The following SH3RF3 variants were observed in gnomAD, a reference collection of about 807,000 sequenced individuals.
SH3RF3 encodes the protein E3 ubiquitin-protein ligase SH3RF3.
In SH3RF3, 29 loss-of-function variants were observed where a neutral mutation model predicts 66.3. The ratio of observed to expected loss-of-function variants is 0.44; its 90% CI spans 0.33 to 0.60. The LOEUF (loss-of-function observed/expected upper bound fraction) is 0.60. SH3RF3 is among the 20% of genes least tolerant of loss of function. The pLI is 0.04. For missense variants in SH3RF3, 1,194 were observed against 1,190.9 expected, an observed-to-expected ratio of 1.00 and a Z score of -0.04; for synonymous variants, 583 against 532.0, an observed-to-expected ratio of 1.10 and a Z score of -1.32.
At chr2:109,493,222 A>T (rs1273523744) in intron 9 of SH3RF3, among the ~76,000 whole-genome samples, 5 of 151,658 alleles carry the variant, frequency 3.3e-5, no homozygotes, top group Non-Finnish European at 7.4e-5. Flanking sequence ...CTCACACATT[A>T]CACATACAGC....
At chr2:109,410,727 G>A (rs1272492279) in intron 4 of SH3RF3, among the ~76,000 whole-genome samples, 3 of 152,238 alleles carry the variant, frequency 2.0e-5, no homozygotes, top group East Asian at 3.8e-4. Flanking sequence ...CCATTATGGA[G>A]CCTTTTAAAA....
chr2:109,454,814 C>T (rs562080693), intron 8 of SH3RF3, among the ~76,000 whole-genome samples: 1 of 152,068 alleles, frequency 6.6e-6, no homozygotes, highest in Admixed American at 6.5e-5. Flanking sequence ...GTCGACAACC[C>T]CAGCCCATAG....
intron 1 of SH3RF3, among the ~76,000 whole-genome samples, chr2:109,335,616 T>C (rs1380827041): frequency 6.6e-6 from 1 of 152,162 alleles, no homozygotes; most frequent in African/African-American, 2.4e-5. Context: ...TTTCTGACAT[T>C]CTCTAGATTT....
intron 4 of SH3RF3, 110 bp downstream of exon 4, chr2:109,399,053 C>A (rs1676234853): frequency 1.6e-6 from 2 of 1,256,122 alleles, no homozygotes; most frequent in South Asian, 2.9e-5. Context: ...CGCCCCAGAA[C>A]TGCCTTTTGG....
At chr2:109,463,360 C>T (rs543757432) in intron 8 of SH3RF3, among the ~76,000 whole-genome samples, 2 of 152,222 alleles carry the variant, frequency 1.3e-5, no homozygotes, top group African/African-American at 4.8e-5. Flanking sequence ...TTATGTGCCA[C>T]CATGTGGGCC....
intron 1 of SH3RF3, among the ~76,000 whole-genome samples, chr2:109,331,487 C>T (rs764696965): frequency 1.2e-4 from 18 of 152,088 alleles, no homozygotes; most frequent in African/African-American, 3.4e-4. Flanking sequence ...AGGGCTCCCG[C>T]GTCTACTCCT....
rs1028457645 is a variant in SH3RF3 at position 109,129,497 on chromosome 2, C to T, written c.-44C>T. 1.1e-5 allele frequency: 16 copies of T among 1,495,052 alleles called. No homozygotes were observed. In the African/African-American group the frequency reaches 1.7e-4, roughly 16 times the overall value. The allele number at this position is 1,495,052 out of a possible 1,614,324, so 92.6% of individuals were successfully genotyped here. On this transcript the variant is annotated 5_prime_UTR_variant, in exon 1 of 10. Transcript: ENST00000309415. Reference sequence around the variant, plus strand: ...CCGGTGGCGGGCTCCACGCCGGCCCCGGGACCTAGGCAGCCGCGCGAGACC... The same window carrying T: ...CCGGTGGCGGGCTCCACGCCGGCCCTGGGACCTAGGCAGCCGCGCGAGACC...
chr2:109,251,295 C>T, intron 1 of SH3RF3: 1 of 396,154 alleles, frequency 2.5e-6, no homozygotes. Flanking sequence ...GCGTGAGCCA[C>T]CATGCCCGGC....
intron 1 of SH3RF3, among the ~76,000 whole-genome samples, chr2:109,170,129 G>C (rs1574485220): frequency 6.6e-6 from 1 of 152,266 alleles, no homozygotes; most frequent in East Asian, 1.9e-4. Context: ...AGGTGTTTTA[G>C]AGGATTATAA....
chr2:109,448,229 T>C (rs1440553241), intron 7 of SH3RF3, among the ~76,000 whole-genome samples: 1 of 152,234 alleles, frequency 6.6e-6, no homozygotes, highest in Non-Finnish European at 1.5e-5. Context: ...TTTCACAGGC[T>C]TTATGTTTAT....
chr2:109,411,366 C>T (rs1573230308), intron 4 of SH3RF3, among the ~76,000 whole-genome samples: 1 of 152,208 alleles, frequency 6.6e-6, no homozygotes, highest in South Asian at 2.1e-4. Context: ...GCAGTGGCTG[C>T]TCATCTCTGC....
At chr2:109,429,315 GA>G (rs1559078977) in intron 5 of SH3RF3, among the ~76,000 whole-genome samples, 3 of 151,930 alleles carry the variant, frequency 2.0e-5, no homozygotes, top group Non-Finnish European at 2.9e-5. Flanking sequence ...GCACCCAGAG[GA>G]AAAAAAGTAG....
Position 109,129,931 on chromosome 2 carries a change from C to G in SH3RF3, c.391C>G (p.Pro131Ala). The change falls in exon 1 of 10, where the codon CCC (proline) becomes GCC (alanine). Residue 131 changes from proline to alanine, a missense_variant. Pro to Ala is a conservative substitution (Grantham distance 27). Transcript: ENST00000309415. ...TCAGCGGCCCCGCGCGGGCACCAGC[C>G]CCGGCGGCAGCCCGCCCGCGCGTCC... is the stretch of plus-strand genomic sequence containing the variant. ...IRQRPRAGTSPGGSPPARPIP... is the reference protein window; with the variant it reads ...IRQRPRAGTSAGGSPPARPIP... The G allele has an allele frequency of 4.0e-6, 6 of 1,483,872 alleles. No individual in the cohort carries two copies. Among genetic ancestry groups the G allele is most frequent in the Non-Finnish European group, 5.3e-6 (6 of 1,123,864 alleles). 91.9% of individuals were successfully genotyped at this position (1,483,872 alleles called of 1,614,324 possible). A position where few individuals can be genotyped will look rare whatever the true frequency, so the allele number is the denominator to read the frequency against.
intron 4 of SH3RF3, among the ~76,000 whole-genome samples, chr2:109,404,896 G>A (rs1676415047): frequency 6.6e-6 from 1 of 152,124 alleles, no homozygotes; most frequent in Non-Finnish European, 1.5e-5. Context: ...GCTGTGGACA[G>A]CACCCCTTCC....
intron 1 of SH3RF3, among the ~76,000 whole-genome samples, chr2:109,252,714 A>T (rs187661823): frequency 6.6e-6 from 1 of 152,368 alleles, no homozygotes; most frequent in Non-Finnish European, 1.5e-5. Context: ...TCAGAACAAT[A>T]TACATTAGGC....
chr2:109,374,930 C>T (rs1412240519), intron 3 of SH3RF3, among the ~76,000 whole-genome samples: 8 of 152,216 alleles, frequency 5.3e-5, no homozygotes, highest in African/African-American at 9.6e-5. Context: ...GCACAGTGCT[C>T]TCCCTCCGTG....
intron 1 of SH3RF3, among the ~76,000 whole-genome samples, chr2:109,336,137 T>C (rs1021931660): frequency 2.6e-5 from 4 of 152,186 alleles, no homozygotes; most frequent in Admixed American, 2.0e-4. Context: ...ATATTTAATA[T>C]CTTAAAGAAA....
In SH3RF3 at chr2:109,410,220, G is replaced by A. The variant is rs191078619; in HGVS notation, c.1300-9319G>A. 3.6e-3 allele frequency among the ~76,000 whole-genome samples: 550 copies of A among 152,336 alleles called. 2 individuals carry two copies. The highest frequency in any genetic ancestry group is 5.7e-3 in the Non-Finnish European group (387 of 68,024). On this transcript the variant is annotated intron_variant, in intron 4 of 9. Transcript: ENST00000309415. ...TGCTGACACCAGGCTTCCAACCAGG[G>A]GAGGCTGGAATTTGATGAAACACAT... is the stretch of plus-strand genomic sequence containing the variant.
chr2:109,257,387 AG>A (rs1417736491), intron 1 of SH3RF3, among the ~76,000 whole-genome samples: 2 of 150,268 alleles, frequency 1.3e-5, no homozygotes, highest in Non-Finnish European at 3.0e-5. Flanking sequence ...AGGGAGAGGA[AG>A]GGAAGGAGGG....
Sources: allele counts gnomAD v4.1 joint callset (sites outside exome capture counted in the v4.1 genomes callset), GRCh38; gene constraint gnomAD v4.1.1; transcripts MANE v1.5; gene names NCBI Gene and HGNC (gene_info 2026-07-23, HGNC 2026-07-21).